The following LOXL2 variants were observed in gnomAD, a reference collection of about 807,000 sequenced individuals.
LOXL2 encodes lysyl oxidase like 2.
LOXL2 carries 70 observed loss-of-function variants against 93.0 expected under a neutral mutation model. The ratio of observed to expected loss-of-function variants is 0.75; its 90% confidence interval spans 0.62 to 0.92. LOXL2 has a LOEUF of 0.92. Among genes scored for constraint, LOXL2 ranks in the 40% least tolerant of loss-of-function variants. LOXL2 has a pLI of 0.00. For missense variants in LOXL2, 973 were observed against 1,054.9 expected, an observed-to-expected ratio of 0.92 and a Z score of 1.08; for synonymous variants, 438 against 413.2, an observed-to-expected ratio of 1.06 and a Z score of -0.73.
At position 23,333,619 on chromosome 8, in the gene LOXL2, A is replaced by ACATTCTGGCCT; in HGVS notation, c.747_748insAGGCCAGAATG (p.Phe250ArgfsTer41). The ACATTCTGGCCT allele has an allele frequency of 6.2e-7, 1 of 1,612,320 alleles. No homozygotes were observed. Among genetic ancestry groups the ACATTCTGGCCT allele is most frequent in the Non-Finnish European group, 8.5e-7 (1 of 1,179,056 alleles). Reference sequence around the variant, plus strand: ...TAGCGCTGCTTCCTCCGTGAGGCAAACATTCTGCAGACGATGGGAGGGGAC... The same window carrying ACATTCTGGCCT: ...TAGCGCTGCTTCCTCCGTGAGGCAAACATTCTGGCCTCATTCTGCAGACGATGGGAGGGGAC... On this transcript the variant is annotated frameshift_variant, in exon 5 of 14. Transcript: ENST00000389131. LOFTEE classifies it high-confidence loss of function.
intron 2 of LOXL2, chr8:23,364,142 C>T (rs544988601): frequency 1.3e-5 from 2 of 152,456 alleles, no homozygotes; most frequent in South Asian, 4.1e-4. Flanking sequence ...TCCCAAAGGG[C>T]TGGGATTACA....
At chr8:23,347,779 G>C (rs886738879) in intron 3 of LOXL2, among the ~76,000 whole-genome samples, 1 of 152,106 alleles carries the variant, frequency 6.6e-6, no homozygotes, top group African/African-American at 2.4e-5. Flanking sequence ...GACCAGCCTA[G>C]GCAACAGAAT....
intron 10 of LOXL2, among the ~76,000 whole-genome samples, chr8:23,307,588 G>C (rs373060225): frequency 1.3e-5 from 2 of 152,152 alleles, no homozygotes; most frequent in African/African-American, 4.8e-5. Context: ...GCACAGGGAG[G>C]TTCCTACCAT....
intron 3 of LOXL2, among the ~76,000 whole-genome samples, chr8:23,342,591 C>G (rs987702325): frequency 6.6e-6 from 1 of 152,108 alleles, no homozygotes; most frequent in Non-Finnish European, 1.5e-5. Flanking sequence ...GCCACCACAC[C>G]CGGCCAATTG....
intron 1 of LOXL2, among the ~76,000 whole-genome samples, chr8:23,379,641 G>A (rs112319002): frequency 0.086 from 7,087 of 82,722 alleles, 522 homozygotes; most frequent in African/African-American, 0.31. Context: ...AATGGCGGGC[G>A]CCCCTCCCCC....
intron 5 of LOXL2, among the ~76,000 whole-genome samples, chr8:23,330,353 CAA>C (rs1803652554): frequency 6.6e-6 from 1 of 151,646 alleles, no homozygotes; most frequent in African/African-American, 2.4e-5. Flanking sequence ...CAAAACAAAA[CAA>C]AACAAAATAA....
intron 9 of LOXL2, among the ~76,000 whole-genome samples, chr8:23,313,081 T>G (rs1414569546): frequency 1.3e-5 from 2 of 151,612 alleles, no homozygotes; most frequent in African/African-American, 4.9e-5. Flanking sequence ...TACCTAGGAA[T>G]CCAACTTACA....
intron 1 of LOXL2, among the ~76,000 whole-genome samples, chr8:23,372,370 A>G (rs891429160): frequency 2.0e-5 from 3 of 151,862 alleles, no homozygotes; most frequent in African/African-American, 7.3e-5. Flanking sequence ...GGCATGTACC[A>G]CCACGCCTGG....
intron 3 of LOXL2, among the ~76,000 whole-genome samples, chr8:23,359,711 ATAAC>A (rs1804257817): frequency 6.6e-6 from 1 of 152,214 alleles, no homozygotes; most frequent in Non-Finnish European, 1.5e-5. Flanking sequence ...GCAGCAATTG[ATAAC>A]TAATACATTT....
chr8:23,333,259 A>C (rs1018559639), intron 5 of LOXL2, 142 bp downstream of exon 5: 11 of 717,906 alleles, frequency 1.5e-5, no homozygotes, highest in Non-Finnish European at 1.9e-5. Context: ...GAGGGCGCTC[A>C]GGTCTCAGAG....
At chr8:23,391,967 C>T (rs577050318) in intron 1 of LOXL2, among the ~76,000 whole-genome samples, 559 of 152,352 alleles carry the variant, frequency 3.7e-3, no homozygotes, top group Non-Finnish European at 6.4e-3. Flanking sequence ...CCTCCCTATG[C>T]CCTTCCTGCT....
intron 2 of LOXL2, chr8:23,366,037 C>A: frequency 6.6e-6 from 1 of 152,328 alleles, no homozygotes. Context: ...CGTGCCTGCT[C>A]CTGATAGGGA....
At chr8:23,302,855 G>T (rs1803163530) in intron 11 of LOXL2, among the ~76,000 whole-genome samples, 1 of 152,132 alleles carries the variant, frequency 6.6e-6, no homozygotes, top group South Asian at 2.1e-4. Flanking sequence ...GGGACGGGGG[G>T]GCGCTTCAGA....
At position 23,297,800 on chromosome 8, in the gene LOXL2, GCT is replaced by G; in HGVS notation, c.*241_*242del. On this transcript the variant is annotated 3_prime_UTR_variant, in exon 14 of 14. Transcript: ENST00000389131. Reference sequence around the variant, plus strand: ...ACTGGCTCTTGGTGCTGCTCCAGCAGCTCTGTGGACAAACCCCACCCCCGCAA... The same window carrying G: ...ACTGGCTCTTGGTGCTGCTCCAGCAGCTGTGGACAAACCCCACCCCCGCAA... 2 of 476,484 alleles carry G rather than the reference GCT, an allele frequency of 4.2e-6. No individual in the cohort carries two copies. Among genetic ancestry groups the G allele is most frequent in the South Asian group, 6.0e-5 (2 of 33,406 alleles). 29.5% of individuals were successfully genotyped at this position (476,484 alleles called of 1,614,324 possible). A position where few individuals can be genotyped will look rare whatever the true frequency, so the allele number is the denominator to read the frequency against.
intron 1 of LOXL2, among the ~76,000 whole-genome samples, chr8:23,369,537 T>A (rs1015483929): frequency 1.3e-5 from 2 of 152,158 alleles, no homozygotes; most frequent in Non-Finnish European, 2.9e-5. Context: ...TGGCTAACTT[T>A]CCTGTAGTCA....
intron 1 of LOXL2, chr8:23,386,119 G>C: frequency 1.3e-6 from 1 of 746,540 alleles, no homozygotes; most frequent in Middle Eastern, 2.3e-4. Context: ...GATCAAGCTG[G>C]AATTTGTAAC....
In LOXL2 at chr8:23,297,861, C is replaced by T. The variant is rs370469362; in HGVS notation, c.*182G>A. ...CAGGCCCCAAGGGTCAGGTAGCAGC[C>T]CCCCATGAATGATGGGAGGGTCCCT... On this transcript the variant is annotated 3_prime_UTR_variant, in exon 14 of 14. Coordinates refer to ENST00000389131, the MANE Select transcript of LOXL2 (RefSeq NM_002318.3). 1.5e-3 allele frequency: 863 copies of T among 569,358 alleles called. 21 individuals carry two copies. In the South Asian group the frequency reaches 0.019, roughly 13 times the overall value. 35.3% of individuals were successfully genotyped at this position (569,358 alleles called of 1,614,324 possible). A position where few individuals can be genotyped will look rare whatever the true frequency, so the allele number is the denominator to read the frequency against.
At chr8:23,394,804 T>C (rs1355065455) in intron 1 of LOXL2, among the ~76,000 whole-genome samples, 1 of 147,942 alleles carries the variant, frequency 6.8e-6, no homozygotes, top group African/African-American at 2.5e-5. Context: ...AACAAAACTT[T>C]TACATGAATG....
intron 1 of LOXL2, among the ~76,000 whole-genome samples, chr8:23,391,690 G>A (rs12677717): frequency 0.1 from 15,541 of 152,236 alleles, 856 homozygotes; most frequent in East Asian, 0.22. Flanking sequence ...TGCAAGCTTG[G>A]TAGGAAATGA....
Sources: gnomAD v4.1 joint callset for allele counts (sites outside exome capture counted in the v4.1 genomes callset) on GRCh38, gnomAD v4.1.1 for gene constraint, MANE v1.5 for transcripts, NCBI Gene and HGNC (gene_info 2026-07-23, HGNC 2026-07-21) for gene names.